Variants in PTK2 observed in about 807,000 individuals in gnomAD.
PTK2 encodes focal adhesion kinase 1.
In PTK2, 45 loss-of-function variants were observed where a neutral mutation model predicts 150.1. That is an observed-to-expected ratio of 0.30 (90% CI 0.24 to 0.38). The LOEUF (loss-of-function observed/expected upper bound fraction) is 0.38, where lower values mean the gene tolerates loss of function less well. PTK2 is among the 10% of genes least tolerant of loss of function. The probability of loss-of-function intolerance (pLI) is 1.00; values close to 1 mark genes in which losing one functional copy is unlikely to be tolerated. For synonymous variants in PTK2, 432 were observed against 449.2 expected, an observed-to-expected ratio of 0.96 and a Z score of 0.48; for missense variants, 919 against 1,307.3, an observed-to-expected ratio of 0.70 and a Z score of 4.58.
chr8:140,762,643 T>C (rs1429699373), intron 15 of PTK2, among the ~76,000 whole-genome samples: 1 of 152,216 alleles, frequency 6.6e-6, no homozygotes, highest in Non-Finnish European at 1.5e-5. Context: ...TTGTCAGGTA[T>C]GGATGAAAGC....
At position 140,693,564 on chromosome 8, in the gene PTK2, T is replaced by TTAAAAAAAAAAAAAAAAAAA. The variant is rs1181421194; in HGVS notation, c.2500-6871_2500-6870insTTTTTTTTTTTTTTTTTTTA. ...CCACAGAGTGAGACTTTGTCTCAATTAAAAAAAAAAAAAAAAAAAAAAAAA... is the reference window on the plus strand; with the variant it reads ...CCACAGAGTGAGACTTTGTCTCAATTTAAAAAAAAAAAAAAAAAAAAAAAAAAAAAAAAAAAAAAAAAAAA... On this transcript the variant is annotated intron_variant, in intron 26 of 31. Transcript: ENST00000522684. Among the ~76,000 whole-genome samples, 6 of 72,458 alleles carry TTAAAAAAAAAAAAAAAAAAA rather than the reference T, an allele frequency of 8.3e-5. 2 individuals are homozygous for TTAAAAAAAAAAAAAAAAAAA. Among genetic ancestry groups the TTAAAAAAAAAAAAAAAAAAA allele is most frequent in the African/African-American group, 3.6e-4 (6 of 16,654 alleles). 47.5% of individuals were successfully genotyped at this position (72,458 alleles called of 152,430 possible).
chr8:140,948,068 A>C (rs1034043113), intron 1 of PTK2, among the ~76,000 whole-genome samples: 1 of 152,184 alleles, frequency 6.6e-6, no homozygotes, highest in Non-Finnish European at 1.5e-5. Context: ...CAGGGGCTAA[A>C]TCTAACTCCG....
intron 7 of PTK2, among the ~76,000 whole-genome samples, chr8:140,846,043 T>A (rs1425734764): frequency 1.3e-5 from 2 of 152,184 alleles, no homozygotes; most frequent in African/African-American, 4.8e-5. Flanking sequence ...ACAAAGTGTA[T>A]GTTAATGGGC....
chr8:140,982,283 T>A (rs1308084960), intron 1 of PTK2, among the ~76,000 whole-genome samples: 1 of 152,202 alleles, frequency 6.6e-6, no homozygotes, highest in Non-Finnish European at 1.5e-5. Flanking sequence ...ATCATTAAGA[T>A]AGATACACAC....
chr8:140,990,524 G>T (rs1047330513), intron 1 of PTK2, among the ~76,000 whole-genome samples: 2 of 152,116 alleles, frequency 1.3e-5, no homozygotes, highest in African/African-American at 4.8e-5. Flanking sequence ...TTACAGGCGT[G>T]AGTCAACATG....
chr8:140,881,884 A>G (rs2100149304), intron 3 of PTK2, among the ~76,000 whole-genome samples: 1 of 152,174 alleles, frequency 6.6e-6, no homozygotes, highest in Admixed American at 6.5e-5. Flanking sequence ...TTCACGTAAG[A>G]GAGAGAATCT....
chr8:140,663,751 G>A (rs1291231443), intron 31 of PTK2, among the ~76,000 whole-genome samples: 3 of 151,996 alleles, frequency 2.0e-5, no homozygotes, highest in East Asian at 1.9e-4. Context: ...CTAGCTCACT[G>A]TAGCCTGAAA....
At chr8:140,698,020 C>T (rs552720260) in intron 26 of PTK2, among the ~76,000 whole-genome samples, 5 of 151,988 alleles carry the variant, frequency 3.3e-5, no homozygotes, top group Admixed American at 6.6e-5. Flanking sequence ...TGTCATTACC[C>T]GCACTCTTCG....
chr8:140,912,268 A>C (rs72685768), intron 2 of PTK2, among the ~76,000 whole-genome samples: 2,829 of 152,054 alleles, frequency 0.019, 44 homozygotes, highest in Middle Eastern at 0.044. Context: ...AAACAAAAAA[A>C]CAAAAAAATC....
At chr8:140,700,346 A>AT (rs1249097157) in intron 26 of PTK2, among the ~76,000 whole-genome samples, 1 of 150,592 alleles carries the variant, frequency 6.6e-6, no homozygotes, top group Non-Finnish European at 1.5e-5. Flanking sequence ...TTTTTTTTTT[A>AT]TTTTTTGTAG....
chr8:140,706,142 T>C lies in PTK2; in HGVS notation c.2206A>G (p.Met736Val), dbSNP rs753483548. The change falls in exon 24 of 32, where the codon ATG (methionine) becomes GTG (valine). Residue 736 changes from methionine to valine, a missense_variant. This residue lies in a region of PTK2 where 258 missense variants were observed against 265.4 expected (regional missense o/e 0.97). Transcript: ENST00000522684. Reference sequence around the variant, plus strand: ...ACCTGGTAATGATTGGTTTGTACCATGTGCTGTGGGCTGGGATAAAATCCT... The same window carrying C: ...ACCTGGTAATGATTGGTTTGTACCACGTGCTGTGGGCTGGGATAAAATCCT... 3.1e-6 allele frequency: 5 copies of C among 1,611,716 alleles called. No homozygotes were observed. The highest frequency in any genetic ancestry group is 4.5e-5 in the East Asian group (2 of 44,880).
chr8:140,831,125 T>G (rs1481291827), intron 7 of PTK2, among the ~76,000 whole-genome samples: 1 of 152,188 alleles, frequency 6.6e-6, no homozygotes, highest in Admixed American at 6.5e-5. Context: ...ATGCTGGAAA[T>G]CGCAGCAATG....
intron 23 of PTK2, among the ~76,000 whole-genome samples, chr8:140,717,369 C>T (rs189316362): frequency 6.6e-6 from 1 of 152,346 alleles, no homozygotes; most frequent in Admixed American, 6.5e-5. Flanking sequence ...ATCTGTCCAA[C>T]TGCTCATGGC....
intron 1 of PTK2, among the ~76,000 whole-genome samples, chr8:140,989,291 G>A (rs1351068025): frequency 1.3e-5 from 2 of 151,044 alleles, no homozygotes; most frequent in Non-Finnish European, 2.9e-5. Flanking sequence ...CTACTCAGGA[G>A]GCTGAGGGAG....
chr8:140,797,508 T>C (rs1210003244), intron 12 of PTK2, among the ~76,000 whole-genome samples: 1 of 152,224 alleles, frequency 6.6e-6, no homozygotes, highest in East Asian at 1.9e-4. Context: ...ATTTATGCCA[T>C]GCTTAGAAGC....
intron 1 of PTK2, among the ~76,000 whole-genome samples, chr8:140,933,793 A>C (rs2100172734): frequency 1.3e-5 from 2 of 152,276 alleles, no homozygotes; most frequent in South Asian, 4.2e-4. Flanking sequence ...GGGGTGAGGG[A>C]AATTTCTAAA....
At chr8:140,907,355 GA>G (rs1444734827) in intron 2 of PTK2, among the ~76,000 whole-genome samples, 1 of 152,130 alleles carries the variant, frequency 6.6e-6, no homozygotes, top group Non-Finnish European at 1.5e-5. Context: ...TCCCAAATAA[GA>G]AAATACAACA....
intron 7 of PTK2, among the ~76,000 whole-genome samples, chr8:140,836,262 T>C (rs534944289): frequency 6.6e-6 from 1 of 152,324 alleles, no homozygotes; most frequent in East Asian, 1.9e-4. Flanking sequence ...TTATGTCGTT[T>C]CACTTATAGT....
intron 20 of PTK2, among the ~76,000 whole-genome samples, chr8:140,741,315 C>T (rs765616168): frequency 4.0e-5 from 6 of 151,366 alleles, no homozygotes; most frequent in Non-Finnish European, 7.4e-5. Flanking sequence ...ATTAGCCGGG[C>T]GTGGTGGTGG....
Sources: gnomAD v4.1 joint callset for allele counts (sites outside exome capture counted in the v4.1 genomes callset) on GRCh38, gnomAD v4.1.1 for gene constraint, gnomAD v4.1.1 regional missense constraint, MANE v1.5 for transcripts, NCBI Gene and HGNC (gene_info 2026-07-23, HGNC 2026-07-21) for gene names.